LHFPL3: variants seen among roughly 807,000 people sequenced by gnomAD.
The protein encoded by LHFPL3 is LHFPL tetraspan subfamily member 3.
LHFPL3 carries 5 observed loss-of-function variants against 19.3 expected under a neutral mutation model. That is an observed-to-expected ratio of 0.26 (90% confidence interval 0.14 to 0.54). The LOEUF is 0.54. Ranked by LOEUF, LHFPL3 falls within the 20% of genes least tolerant of loss-of-function variation. LHFPL3 has a pLI of 0.94. For synonymous variants in LHFPL3, 133 were observed against 126.2 expected, an observed-to-expected ratio of 1.05 and a Z score of -0.36; for missense variants, 249 against 307.4, an observed-to-expected ratio of 0.81 and a Z score of 1.42.
intron 1 of LHFPL3, 92 bp from the exon 2 acceptor site, chr7:104,736,583 A>G: frequency 1.3e-6 from 1 of 791,114 alleles, no homozygotes; most frequent in Non-Finnish European, 2.0e-6. Flanking sequence ...AATTTGAAAC[A>G]ATGATTCGAC....
chr7:104,790,708 C>G (rs982644576), intron 2 of LHFPL3, among the ~76,000 whole-genome samples: 2 of 152,172 alleles, frequency 1.3e-5, no homozygotes, highest in African/African-American at 4.8e-5. Context: ...GATGGACATT[C>G]TAGTGCAGTG....
chr7:104,571,998 C>A (rs1332384665), intron 1 of LHFPL3, among the ~76,000 whole-genome samples: 1 of 152,126 alleles, frequency 6.6e-6, no homozygotes, highest in Non-Finnish European at 1.5e-5. Context: ...AGTTAACCAC[C>A]CTGAGCCATT....
chr7:104,875,822 G>A (rs553131939), intron 2 of LHFPL3, among the ~76,000 whole-genome samples: 1 of 152,294 alleles, frequency 6.6e-6, no homozygotes, highest in Admixed American at 6.5e-5. Context: ...ATTGCACCAA[G>A]TGCTAGAGAT....
chr7:104,845,372 A>T, intron 2 of LHFPL3: 1 of 1,483,996 alleles, frequency 6.7e-7, no homozygotes, highest in South Asian at 1.2e-5. Context: ...TTTTCCTCCC[A>T]CACTCTCAGA....
intron 1 of LHFPL3, among the ~76,000 whole-genome samples, chr7:104,590,254 C>G (rs1372695718): frequency 1.3e-5 from 2 of 152,098 alleles, no homozygotes; most frequent in African/African-American, 4.8e-5. Flanking sequence ...ACATTTAGTG[C>G]TATACGTTTC....
At chr7:104,356,885 A>G (rs945126575) in intron 1 of LHFPL3, among the ~76,000 whole-genome samples, 2 of 152,206 alleles carry the variant, frequency 1.3e-5, no homozygotes, top group Non-Finnish European at 2.9e-5. Context: ...ACCCAGCCAC[A>G]CAGCAGGAGG....
At chr7:104,436,593 A>G (rs1792110261) in intron 1 of LHFPL3, among the ~76,000 whole-genome samples, 1 of 152,212 alleles carries the variant, frequency 6.6e-6, no homozygotes. Context: ...TGAAGATCAT[A>G]TTGATTTTTA....
chr7:104,532,399 G>A lies in LHFPL3; in HGVS notation c.445+203175G>A, dbSNP rs1262324759. ...TGGTCTCAAAATCCTGGCCTCAAATGATCCTCCTAACTTGGCTTCCCAAAG... is the reference window on the plus strand; with the variant it reads ...TGGTCTCAAAATCCTGGCCTCAAATAATCCTCCTAACTTGGCTTCCCAAAG... On this transcript the variant is annotated intron_variant, in intron 1 of 2. Transcript: ENST00000424859. 4.1e-5 allele frequency among the ~76,000 whole-genome samples: 5 copies of A among 123,414 alleles called. No individual in the cohort carries two copies. The East Asian group carries it at 1.4e-3, about 35-fold the overall frequency. The allele number at this position is 123,414 out of a possible 152,430, so 81.0% of individuals were successfully genotyped here.
intron 1 of LHFPL3, among the ~76,000 whole-genome samples, chr7:104,548,215 G>C (rs1794606172): frequency 6.6e-6 from 1 of 152,040 alleles, no homozygotes; most frequent in Non-Finnish European, 1.5e-5. Context: ...TTTCCTCTCT[G>C]TCTTGATTTC....
chr7:104,359,984 C>G (rs1381578680), intron 1 of LHFPL3, among the ~76,000 whole-genome samples: 1 of 152,252 alleles, frequency 6.6e-6, no homozygotes, highest in Non-Finnish European at 1.5e-5. Flanking sequence ...AAGTTAGTAA[C>G]TTACCCAAAG....
chr7:104,452,533 G>A (rs1456371132), intron 1 of LHFPL3, among the ~76,000 whole-genome samples: 2 of 151,854 alleles, frequency 1.3e-5, no homozygotes, highest in Non-Finnish European at 2.9e-5. Flanking sequence ...TAAAATCAAA[G>A]GCACTTTATA....
intron 1 of LHFPL3, among the ~76,000 whole-genome samples, chr7:104,500,828 C>T (rs151324965): frequency 6.6e-6 from 1 of 152,266 alleles, no homozygotes; most frequent in Non-Finnish European, 1.5e-5. Flanking sequence ...AATGCCCTGT[C>T]CTCCTTCACG....
rs112596248 is a variant in LHFPL3 at position 104,598,599 on chromosome 7, T to A, written c.446-138076T>A. 2.1e-3 allele frequency among the ~76,000 whole-genome samples: 318 copies of A among 152,276 alleles called. 1 individual carries two copies. The highest frequency in any genetic ancestry group is 7.3e-3 in the African/African-American group (303 of 41,566). On this transcript the variant is annotated intron_variant, in intron 1 of 2. Transcript: ENST00000424859. ...GACTTTCTGGAGGGCCAAAGAACAA[T>A]AATGTCTGCTTATAAGAATGTTTTT...
rs542101535 is a variant in LHFPL3 at position 104,760,694 on chromosome 7, G to A, written c.682+23783G>A. 5.3e-5 allele frequency among the ~76,000 whole-genome samples: 8 copies of A among 152,206 alleles called. No homozygotes were observed. The South Asian group carries it at 1.5e-3, about 28-fold the overall frequency. Reference sequence around the variant, plus strand: ...TCCTGAGTCTAAAATTTAACTGATTGTATTTTAACCACCGATGCTATGCTC... The same window carrying A: ...TCCTGAGTCTAAAATTTAACTGATTATATTTTAACCACCGATGCTATGCTC... On this transcript the variant is annotated intron_variant, in intron 2 of 2. Coordinates refer to ENST00000424859, the MANE Select transcript of LHFPL3 (RefSeq NM_199000.3).
At chr7:104,634,265 G>A (rs775358268) in intron 1 of LHFPL3, among the ~76,000 whole-genome samples, 3 of 152,188 alleles carry the variant, frequency 2.0e-5, no homozygotes, top group Non-Finnish European at 4.4e-5. Context: ...CAGTTCTGGA[G>A]GCTGGAAGTC....
chr7:104,477,189 CTT>C (rs547999786), intron 1 of LHFPL3, among the ~76,000 whole-genome samples: 252 of 152,166 alleles, frequency 1.7e-3, no homozygotes, highest in African/African-American at 5.9e-3. Flanking sequence ...GAGAGTCTCA[CTT>C]TGTTGCCCAG....
intron 1 of LHFPL3, among the ~76,000 whole-genome samples, chr7:104,697,973 T>G (rs1159350854): frequency 2.6e-5 from 4 of 152,210 alleles, no homozygotes; most frequent in Admixed American, 2.6e-4. Context: ...GGATTTCTTA[T>G]TCCCAGGTTT....
intron 2 of LHFPL3, among the ~76,000 whole-genome samples, chr7:104,891,057 C>T (rs1361197721): frequency 6.6e-6 from 1 of 151,362 alleles, no homozygotes; most frequent in Non-Finnish European, 1.5e-5. Flanking sequence ...ATCTTTTGAG[C>T]CTTTCTGCAG....
At chr7:104,628,696 T>C (rs775888900) in intron 1 of LHFPL3, among the ~76,000 whole-genome samples, 25 of 152,216 alleles carry the variant, frequency 1.6e-4, no homozygotes, top group Non-Finnish European at 3.2e-4. Flanking sequence ...TGGGATTCCC[T>C]AGAGCTAAAT....
Sources: allele counts gnomAD v4.1 joint callset (sites outside exome capture counted in the v4.1 genomes callset), GRCh38; gene constraint gnomAD v4.1.1; transcripts MANE v1.5; gene names NCBI Gene and HGNC (gene_info 2026-07-23, HGNC 2026-07-21).